Variants in CSMD1 observed in about 807,000 individuals in gnomAD.
CSMD1 encodes the protein CUB and Sushi multiple domains 1, also known as CUB and sushi domain-containing protein 1.
CSMD1 carries 213 observed loss-of-function variants against 417.5 expected under a neutral mutation model. That is an observed-to-expected ratio of 0.51 (90% CI 0.46 to 0.57). The LOEUF (loss-of-function observed/expected upper bound fraction) is 0.57. CSMD1 is among the 20% of genes least tolerant of loss of function. CSMD1 has a pLI of 0.00. For missense variants in CSMD1, 6,923 were observed against 4,529.7 expected (o/e 1.53, Z -15.17); for synonymous variants, 2,862 against 1,736.8 (o/e 1.65, Z -16.11).
At chr8:4,420,829 T>G (rs997328704) in intron 2 of CSMD1, among the ~76,000 whole-genome samples, 1 of 152,210 alleles carries the variant, frequency 6.6e-6, no homozygotes, top group African/African-American at 2.4e-5. Flanking sequence ...GGTAAGTAGC[T>G]TATTTTTTAT....
chr8:3,969,049 G>A (rs929274610), intron 5 of CSMD1, among the ~76,000 whole-genome samples: 6 of 152,108 alleles, frequency 3.9e-5, no homozygotes, highest in South Asian at 4.1e-4. Context: ...TCAGGAGTTC[G>A]AGACCAGCCT....
At chr8:3,413,395 C>T (rs1563363936) in intron 12 of CSMD1, among the ~76,000 whole-genome samples, 1 of 152,118 alleles carries the variant, frequency 6.6e-6, no homozygotes, top group East Asian at 1.9e-4. Flanking sequence ...CTGATCCCAC[C>T]AAAGAGGCTG....
At chr8:2,980,421 C>A (rs1031241874) in intron 54 of CSMD1, among the ~76,000 whole-genome samples, 3 of 151,744 alleles carry the variant, frequency 2.0e-5, no homozygotes, top group Non-Finnish European at 4.4e-5. Context: ...GTCCTCTCCT[C>A]CTCCTTTTCT....
At chr8:3,729,915 T>A (rs1585145692) in intron 6 of CSMD1, among the ~76,000 whole-genome samples, 2 of 102,152 alleles carry the variant, frequency 2.0e-5, no homozygotes, top group South Asian at 3.1e-4. Context: ...TATTTGCCAA[T>A]TCAAAGTAAA....
At chr8:4,314,726 C>T (rs1798822078) in intron 3 of CSMD1, among the ~76,000 whole-genome samples, 1 of 152,128 alleles carries the variant, frequency 6.6e-6, no homozygotes, top group African/African-American at 2.4e-5. Flanking sequence ...ACACATACAT[C>T]CTGTTTTCTC....
chr8:4,556,151 T>C (rs1798076490), intron 2 of CSMD1, among the ~76,000 whole-genome samples: 1 of 152,330 alleles, frequency 6.6e-6, no homozygotes, highest in Admixed American at 6.5e-5. Flanking sequence ...ATGCTATGCA[T>C]AGATCCAATT....
At chr8:3,140,820 A>C (rs1585454401) in intron 41 of CSMD1, among the ~76,000 whole-genome samples, 1 of 152,344 alleles carries the variant, frequency 6.6e-6, no homozygotes, top group Non-Finnish European at 1.5e-5. Flanking sequence ...TTTTGCATGA[A>C]ATTAAAATGT....
chr8:3,421,639 G>A (rs1246304801), intron 12 of CSMD1, among the ~76,000 whole-genome samples: 1 of 152,026 alleles, frequency 6.6e-6, no homozygotes, highest in Non-Finnish European at 1.5e-5. Context: ...TTCTACAGAT[G>A]TCTTTTTCTT....
intron 26 of CSMD1, 104 bp downstream of exon 26, chr8:3,284,040 T>G: frequency 1.1e-6 from 1 of 940,140 alleles, no homozygotes; most frequent in Non-Finnish European, 1.6e-6. Flanking sequence ...CTCAATAAAT[T>G]GCATCTGTGT....
chr8:3,935,279 T>C (rs11775028), intron 5 of CSMD1, among the ~76,000 whole-genome samples: 51,956 of 152,132 alleles, frequency 0.34, 9,241 homozygotes, highest in African/African-American at 0.45. Flanking sequence ...TTTTCATAGA[T>C]ACTGTATTTG....
At chr8:4,048,528 G>C (rs1798264496) in intron 3 of CSMD1, among the ~76,000 whole-genome samples, 1 of 152,114 alleles carries the variant, frequency 6.6e-6, no homozygotes, top group Admixed American at 6.5e-5. Flanking sequence ...ACATCCCTCA[G>C]GTTTATAAAC....
rs184346882 is a variant in CSMD1, at chr8:4,541,835, C to G, written c.302+95507G>C. Among the ~76,000 whole-genome samples, 380 of 152,182 alleles carry G rather than the reference C, an allele frequency of 2.5e-3. 3 individuals are homozygous for G. Among genetic ancestry groups the G allele is most frequent in the African/African-American group, 8.9e-3 (369 of 41,516 alleles). ...AAGTGGAATTCTCAATAAATCCTGA[C>G]AAAACTGTACAGTCAGCAATATGAA... On this transcript the variant is annotated intron_variant, in intron 2 of 69. Transcript: ENST00000635120.
chr8:4,309,211 T>C (rs1345406684), intron 3 of CSMD1, among the ~76,000 whole-genome samples: 1 of 152,128 alleles, frequency 6.6e-6, no homozygotes, highest in Non-Finnish European at 1.5e-5. Flanking sequence ...TAGGGTCAGT[T>C]TGATATTACC....
At chr8:4,158,054 C>A (rs965947334) in intron 3 of CSMD1, among the ~76,000 whole-genome samples, 2 of 151,940 alleles carry the variant, frequency 1.3e-5, no homozygotes, top group Non-Finnish European at 2.9e-5. Context: ...CCTGCTACCC[C>A]TACCCCTGCT....
At chr8:4,717,589 T>TCCAC (rs1456467620) in intron 1 of CSMD1, among the ~76,000 whole-genome samples, 1 of 151,526 alleles carries the variant, frequency 6.6e-6, no homozygotes, top group African/African-American at 2.4e-5. Context: ...CATCCATACA[T>TCCAC]CCATCCATCC....
intron 5 of CSMD1, among the ~76,000 whole-genome samples, chr8:3,761,200 C>A (rs1309369285): frequency 6.6e-6 from 1 of 152,064 alleles, no homozygotes; most frequent in Non-Finnish European, 1.5e-5. Flanking sequence ...CGACAATGAA[C>A]TCTCATATTG....
intron 1 of CSMD1, among the ~76,000 whole-genome samples, chr8:4,709,533 G>A (rs191052711): frequency 1.3e-5 from 2 of 152,392 alleles, no homozygotes; most frequent in East Asian, 3.9e-4. Flanking sequence ...AGAGGGCAGA[G>A]ACCTCGAGGC....
At chr8:4,392,768 G>A (rs1180630631) in intron 3 of CSMD1, among the ~76,000 whole-genome samples, 2 of 151,668 alleles carry the variant, frequency 1.3e-5, no homozygotes, top group Non-Finnish European at 2.9e-5. Flanking sequence ...AAGAGATTGA[G>A]AACATCCTGG....
chr8:3,862,601 A>T (rs75787436), intron 5 of CSMD1, among the ~76,000 whole-genome samples: 1 of 152,218 alleles, frequency 6.6e-6, no homozygotes, highest in East Asian at 1.9e-4. Flanking sequence ...ATTTGCTTAT[A>T]CATGGCCATA....
Sources: gnomAD v4.1 joint callset for allele counts (sites outside exome capture counted in the v4.1 genomes callset) on GRCh38, gnomAD v4.1.1 for gene constraint, MANE v1.5 for transcripts, NCBI Gene and HGNC (gene_info 2026-07-23, HGNC 2026-07-21) for gene names.